Variants in CIT observed in about 807,000 individuals in gnomAD.
CIT encodes citron rho-interacting serine/threonine kinase.
A neutral mutation model predicts 272.7 loss-of-function variants in CIT; 79 were observed. That is an observed-to-expected ratio of 0.29 (90% CI 0.24 to 0.35). The LOEUF (loss-of-function observed/expected upper bound fraction) is 0.35, where lower values mean the gene tolerates loss of function less well. CIT is among the 10% of genes least tolerant of loss of function. The probability of loss-of-function intolerance (pLI) is 1.00; values close to 1 mark genes in which losing one functional copy is unlikely to be tolerated. For missense variants in CIT, 1,909 were observed against 2,618.3 expected (o/e 0.73, Z 5.91); for synonymous variants, 948 against 995.6 (o/e 0.95, Z 0.90).
In CIT at chr12:119,688,096, C is replaced by T. The variant is rs552125372; in HGVS notation, c.*136G>A. 1.3e-5 allele frequency: 12 copies of T among 912,494 alleles called. No individual in the cohort carries two copies. Among genetic ancestry groups the T allele is most frequent in the Admixed American group, 5.6e-5 (3 of 53,322 alleles). 56.5% of individuals were successfully genotyped at this position (912,494 alleles called of 1,614,324 possible). A position where few individuals can be genotyped will look rare whatever the true frequency, so the allele number is the denominator to read the frequency against. ...CTCCTGGAGACAGGGGTGTCCGTGC[C>T]GAGGTGGGTCTGGGCCCCGCTGAGC... On this transcript the variant is annotated 3_prime_UTR_variant, in exon 48 of 48. Transcript: ENST00000392521.
intron 23 of CIT, among the ~76,000 whole-genome samples, chr12:119,748,632 G>C (rs749016279): frequency 4.6e-5 from 7 of 152,258 alleles, no homozygotes; most frequent in Non-Finnish European, 8.8e-5. Flanking sequence ...ACGAGAATGA[G>C]AACGTGCACT....
chr12:119,721,832 A>G (rs1027619378), intron 28 of CIT, among the ~76,000 whole-genome samples: 17 of 152,228 alleles, frequency 1.1e-4, no homozygotes, highest in African/African-American at 3.6e-4. Context: ...CTAAGTTCCA[A>G]TGTCTTTATT....
chr12:119,736,315 C>T (rs369489408), intron 24 of CIT, among the ~76,000 whole-genome samples: 9 of 152,112 alleles, frequency 5.9e-5, no homozygotes, highest in African/African-American at 2.2e-4. Flanking sequence ...AACCTAGAGT[C>T]GATTTCGTTT....
chr12:119,712,472 A>T lies in CIT; in HGVS notation c.4684+119T>A, dbSNP rs1425159597. 13 of 1,399,242 alleles carry T rather than the reference A, an allele frequency of 9.3e-6. No homozygotes were observed. The highest frequency in any genetic ancestry group is 1.3e-5 in the Non-Finnish European group (13 of 1,008,080). 86.7% of individuals were successfully genotyped at this position (1,399,242 alleles called of 1,614,324 possible). On this transcript the variant is annotated intron_variant, in intron 36 of 47. Transcript: ENST00000392521. The surrounding 1 kb of genome is among the most constrained non-coding windows in gnomAD (Gnocchi z 5.2). ...AATCCCAGTTACCGCCAAGGCGGGG[A>T]GCGGAGGAAGATGGGCCTCCTTTGC...
At position 119,697,343 on chromosome 12, in the gene CIT, A is replaced by G. The variant is rs546433525; in HGVS notation, c.5882+316T>C. On this transcript the variant is annotated intron_variant, in intron 46 of 47. Coordinates refer to ENST00000392521, the MANE Select transcript of CIT (RefSeq NM_001206999.2). The surrounding 1 kb of genome is among the most constrained non-coding windows in gnomAD (Gnocchi z 4.9). ...ATTCTCCCTCCCCCACAAGCCCAAC[A>G]ACTAGCACCGCAGAATACCTGCTAA... Among the ~76,000 whole-genome samples, 1 of 152,280 alleles carries G rather than the reference A, an allele frequency of 6.6e-6. No homozygotes were observed. The highest frequency in any genetic ancestry group is 2.1e-4 in the South Asian group (1 of 4,822).
rs566427265 is a variant in CIT, at chr12:119,697,709, G to A, written c.5832C>T (p.Leu1944=). 9.3e-5 allele frequency: 150 copies of A among 1,614,182 alleles called. No individual in the cohort carries two copies. The East Asian group carries it at 1.6e-3, about 17-fold the overall frequency. ...KLRVICCKGN[L]VKESGTEHHR... The stretch of plus-strand genomic sequence containing the variant: ...GGTGTTCAGTGCCGGACTCCTTCAC[G>A]AGGTTTCCCTTGCAGCAAATGACCC... The change falls in exon 46 of 48, where the codon CTC becomes CTT. Residue 1944 remains leucine, a synonymous_variant. Transcript: ENST00000392521. This position sits in a 1 kb window ranked among gnomAD's most constrained non-coding sequence, Gnocchi z 4.9.
intron 7 of CIT, among the ~76,000 whole-genome samples, chr12:119,831,846 G>A (rs946164856): frequency 1.3e-5 from 2 of 152,120 alleles, no homozygotes; most frequent in Non-Finnish European, 2.9e-5. Context: ...CTCCAGCCTG[G>A]GGGACAGAGC....
chr12:119,757,326 G>C (rs750060036), intron 22 of CIT, 45 bp downstream of exon 22: 2 of 1,607,578 alleles, frequency 1.2e-6, no homozygotes, highest in Non-Finnish European at 1.7e-6. Context: ...TTCAGAGCCC[G>C]AATCGCCCAG....
chr12:119,864,815 G>T (rs1370236991), intron 3 of CIT, among the ~76,000 whole-genome samples: 1 of 152,142 alleles, frequency 6.6e-6, no homozygotes, highest in Non-Finnish European at 1.5e-5. Flanking sequence ...AATTAAGAAA[G>T]ACAAAAATCC....
At chr12:119,721,531 T>C (rs1957814489) in intron 28 of CIT, 82 bp from the exon 29 acceptor site, 1 of 1,294,300 alleles carries the variant, frequency 7.7e-7, no homozygotes, top group South Asian at 1.9e-5. Flanking sequence ...TTCAAACTAA[T>C]TTCAGGCATG....
In CIT at chr12:119,785,477, A is replaced by C. The variant is rs563554678; in HGVS notation, c.1296-412T>G. Among the ~76,000 whole-genome samples, 4 of 152,330 alleles carry C rather than the reference A, an allele frequency of 2.6e-5. No homozygotes were observed. In the East Asian group the frequency reaches 7.7e-4, roughly 29 times the overall value. On this transcript the variant is annotated intron_variant, in intron 10 of 47. Transcript: ENST00000392521. Reference sequence around the variant, plus strand: ...GCAGGCAACCTCTAGAAGCTGGAAAAGACAAGGAAACAGATTCTGCCCTAG... The same window carrying C: ...GCAGGCAACCTCTAGAAGCTGGAAACGACAAGGAAACAGATTCTGCCCTAG...
At chr12:119,860,142 C>T (rs1950293630) in intron 3 of CIT, among the ~76,000 whole-genome samples, 2 of 152,148 alleles carry the variant, frequency 1.3e-5, no homozygotes, top group Admixed American at 1.3e-4. Flanking sequence ...CTCTTGCCCA[C>T]CCTGTTCCTT....
At chr12:119,796,003 AG>A (rs1455896989) in intron 10 of CIT, among the ~76,000 whole-genome samples, 1 of 152,264 alleles carries the variant, frequency 6.6e-6, no homozygotes, top group African/African-American at 2.4e-5. Context: ...AAGACCTGCC[AG>A]GGGCAAGGCA....
At chr12:119,739,802 T>A (rs1958970928) in intron 24 of CIT, among the ~76,000 whole-genome samples, 2 of 152,132 alleles carry the variant, frequency 1.3e-5, no homozygotes, top group Non-Finnish European at 2.9e-5. Flanking sequence ...GACTCAGTGT[T>A]CCATAAGTTG....
At chr12:119,688,762 TC>T (rs1955737093) in intron 47 of CIT, among the ~76,000 whole-genome samples, 1 of 152,180 alleles carries the variant, frequency 6.6e-6, no homozygotes, top group Non-Finnish European at 1.5e-5. Context: ...ATTACACAGA[TC>T]ATTCATGCAC....
chr12:119,704,903 C>T (rs140493812), intron 40 of CIT, among the ~76,000 whole-genome samples: 3 of 152,222 alleles, frequency 2.0e-5, no homozygotes, highest in East Asian at 1.9e-4. Flanking sequence ...GACTGCTAAA[C>T]GAATTTAGAG....
At chr12:119,871,507 C>G (rs747115381) in intron 2 of CIT, among the ~76,000 whole-genome samples, 1 of 152,136 alleles carries the variant, frequency 6.6e-6, no homozygotes, top group Non-Finnish European at 1.5e-5. Context: ...CCCCCTCCCC[C>G]ACAACCAAAT....
chr12:119,834,947 T>C (rs1335838088), intron 5 of CIT, among the ~76,000 whole-genome samples: 1 of 152,208 alleles, frequency 6.6e-6, no homozygotes, highest in Non-Finnish European at 1.5e-5. Flanking sequence ...CATTTATTCA[T>C]ACTGCCATGG....
intron 32 of CIT, 108 bp from the exon 33 acceptor site, chr12:119,714,442 T>G: frequency 8.6e-7 from 1 of 1,162,714 alleles, no homozygotes; most frequent in Non-Finnish European, 1.2e-6. Flanking sequence ...ATCAAATCTC[T>G]GATAAGGGAC....
Sources: gnomAD v4.1 joint callset for allele counts (sites outside exome capture counted in the v4.1 genomes callset) on GRCh38, gnomAD v4.1.1 for gene constraint, Gnocchi (gnomAD v3.1) non-coding constraint, MANE v1.5 for transcripts, NCBI Gene and HGNC (gene_info 2026-07-23, HGNC 2026-07-21) for gene names.